The following FABP6 variants were observed in gnomAD, a reference collection of about 807,000 sequenced individuals.
FABP6 encodes fatty acid binding protein 6.
Under a neutral mutation model 14.9 loss-of-function variants are expected in FABP6, and 13 were observed. The observed-to-expected ratio is 0.87, with a 90% CI of 0.57 to 1.39. FABP6 has a LOEUF of 1.39. Among genes scored for constraint, FABP6 ranks in the 40% most tolerant of loss-of-function variants. The pLI is 0.00. For synonymous variants in FABP6, 75 were observed against 63.6 expected (o/e 1.18, Z -0.85); for missense variants, 161 against 167.2 (o/e 0.96, Z 0.20).
intron 2 of FABP6, among the ~76,000 whole-genome samples, chr5:160,233,872 A>C (rs1163512802): frequency 1.1e-5 from 1 of 89,260 alleles, no homozygotes; most frequent in Non-Finnish European, 2.4e-5. Context: ...GCTCCGTCTC[A>C]AAAAAAGAAA....
intron 1 of FABP6, among the ~76,000 whole-genome samples, chr5:160,191,090 G>GGA (rs545929940): frequency 1.5e-4 from 19 of 127,622 alleles, no homozygotes; most frequent in African/African-American, 5.4e-4. Flanking sequence ...ACTCCATCTG[G>GGA]AAAAAAAAAA....
At chr5:160,206,657 T>A (rs1441820031) in intron 2 of FABP6, among the ~76,000 whole-genome samples, 1 of 152,176 alleles carries the variant, frequency 6.6e-6, no homozygotes, top group Non-Finnish European at 1.5e-5. Context: ...GTTACATCGA[T>A]GGCAACATTA....
chr5:160,200,772 C>T (rs928782864), intron 2 of FABP6, among the ~76,000 whole-genome samples: 2 of 152,180 alleles, frequency 1.3e-5, no homozygotes. Flanking sequence ...TCTGTGTTCT[C>T]CTGCCATGGG....
chr5:160,221,682 G>C (rs78237995), intron 3 of FABP6, among the ~76,000 whole-genome samples: 5,751 of 149,572 alleles, frequency 0.038, 359 homozygotes, highest in African/African-American at 0.14. Flanking sequence ...TGTCCATTTG[G>C]CAAGTCCCTT....
intron 3 of FABP6, among the ~76,000 whole-genome samples, chr5:160,218,460 A>ACTTT (rs1491254627): frequency 5.1e-5 from 2 of 39,360 alleles, no homozygotes; most frequent in Non-Finnish European, 1.1e-4. Context: ...TTAGTCTTTG[A>ACTTT]CTTTTTTTTT....
At chr5:160,190,182 A>T (rs561842676) in intron 1 of FABP6, among the ~76,000 whole-genome samples, 1 of 152,330 alleles carries the variant, frequency 6.6e-6, no homozygotes, top group South Asian at 2.1e-4. Context: ...CTCTTTGGTC[A>T]AGGGACAAGA....
exon 2 of FABP6, chr5:160,199,088 C>A (rs763197384): frequency 6.2e-7 from 1 of 1,614,018 alleles, no homozygotes; most frequent in Non-Finnish European, 8.5e-7. Context: ...CAGGCAGGGG[C>A]TGGTCCAGCC....
chr5:160,223,476 G>T (rs58994866), intron 3 of FABP6, among the ~76,000 whole-genome samples: 58,069 of 149,584 alleles, frequency 0.39, 11,603 homozygotes, highest in Non-Finnish European at 0.42. Flanking sequence ...AGGCTGGAGT[G>T]CAGTGGCACA....
At chr5:160,194,911 A>T (rs1472808314) in intron 1 of FABP6, among the ~76,000 whole-genome samples, 2 of 152,208 alleles carry the variant, frequency 1.3e-5, no homozygotes, top group African/African-American at 2.4e-5. Flanking sequence ...AGTGCTCAGT[A>T]CATAGCAGGA....
intron 3 of FABP6, among the ~76,000 whole-genome samples, chr5:160,224,052 C>T (rs978506085): frequency 2.6e-5 from 4 of 151,698 alleles, no homozygotes; most frequent in Non-Finnish European, 5.9e-5. Context: ...CTGGCTAACA[C>T]GGTGAAACCC....
chr5:160,189,444 T>C (rs1232063858), intron 1 of FABP6, among the ~76,000 whole-genome samples: 1 of 152,202 alleles, frequency 6.6e-6, no homozygotes. Context: ...GGTTTCACCA[T>C]GTTGGCCAGG....
At chr5:160,213,795 A>G in exon 3 of FABP6, 1 of 1,613,830 alleles carries the variant, frequency 6.2e-7, no homozygotes, top group Non-Finnish European at 8.5e-7. Context: ...ACCTGCAGAG[A>G]ATGAAACAGA....
At chr5:160,235,479 C>T (rs1760489022) in intron 3 of FABP6, among the ~76,000 whole-genome samples, 1 of 152,222 alleles carries the variant, frequency 6.6e-6, no homozygotes, top group Non-Finnish European at 1.5e-5. Flanking sequence ...GGGACCCACT[C>T]CTCCTACACT....
chr5:160,195,757 T>C (rs1258564439), intron 1 of FABP6: 1 of 152,238 alleles, frequency 6.6e-6, no homozygotes, highest in Non-Finnish European at 1.5e-5. Flanking sequence ...TCCTTTATTA[T>C]TATTTTTCTT....
At chr5:160,190,077 C>T (rs1203092339) in intron 1 of FABP6, among the ~76,000 whole-genome samples, 1 of 152,202 alleles carries the variant, frequency 6.6e-6, no homozygotes, top group African/African-American at 2.4e-5. Flanking sequence ...CCTCCTTTCT[C>T]TCTGAACAAA....
chr5:160,221,364 T>G (rs373051134), intron 3 of FABP6, among the ~76,000 whole-genome samples: 1 of 151,620 alleles, frequency 6.6e-6, no homozygotes, highest in Non-Finnish European at 1.5e-5. Context: ...GAGGCGGGGG[T>G]GAAGGACAAT....
upstream of FABP6, among the ~76,000 whole-genome samples, chr5:160,225,895 C>T (rs12386475): frequency 0.23 from 34,243 of 151,812 alleles, 4,017 homozygotes; most frequent in Admixed American, 0.3. Flanking sequence ...AATATAAGGC[C>T]GGGCAGGGTG....
At chr5:160,199,164 C>T (rs1271474310) in intron 2 of FABP6, 2 of 1,614,100 alleles carry the variant, frequency 1.2e-6, no homozygotes, top group Non-Finnish European at 1.7e-6. Flanking sequence ...TCAGGTAGCT[C>T]CGTGAAGCTG....
Position 160,193,420 on chromosome 5 carries a change from A to G in FABP6, c.-58-5629A>G, listed in dbSNP as rs532047333. Among the ~76,000 whole-genome samples, 543 of 152,180 alleles carry G rather than the reference A, an allele frequency of 3.6e-3. 5 individuals are homozygous for G. Among genetic ancestry groups the G allele is most frequent in the Non-Finnish European group, 6.1e-3 (418 of 68,004 alleles). On this transcript the variant is annotated intron_variant, in intron 1 of 6. Transcript: ENST00000393980. ...AAGAGCAAAAGAACAAGGCTTCCAC[A>G]GTGTGGAAGGGGACCCGAGCGGGTT...
Sources: gnomAD v4.1 joint callset for allele counts (sites outside exome capture counted in the v4.1 genomes callset) on GRCh38, gnomAD v4.1.1 for gene constraint, MANE v1.5 for transcripts, NCBI Gene and HGNC (gene_info 2026-07-23, HGNC 2026-07-21) for gene names.